KCNG2: variants seen among roughly 807,000 people sequenced by gnomAD.
The protein encoded by KCNG2 is potassium voltage-gated channel modifier subfamily G member 2.
Under a neutral mutation model 12.3 loss-of-function variants are expected in KCNG2, and 7 were observed. That is an observed-to-expected ratio of 0.57 (90% CI 0.32 to 1.07). The LOEUF (loss-of-function observed/expected upper bound fraction) is 1.07. KCNG2 is among the 50% of genes least tolerant of loss of function. The pLI is 0.04. For missense variants in KCNG2, 703 were observed against 726.0 expected (o/e 0.97, Z 0.36); for synonymous variants, 414 against 351.4 (o/e 1.18, Z -1.99).
intron 1 of KCNG2, among the ~76,000 whole-genome samples, chr18:79,819,061 A>G (rs191621774): frequency 2.0e-5 from 3 of 152,336 alleles, no homozygotes; most frequent in Non-Finnish European, 4.4e-5. Context: ...CAGGAGATGA[A>G]AAAAACAAAA....
intron 1 of KCNG2, among the ~76,000 whole-genome samples, chr18:79,830,415 A>G (rs1025929494): frequency 6.6e-6 from 1 of 152,248 alleles, no homozygotes; most frequent in Non-Finnish European, 1.5e-5. Context: ...CTGGGACATC[A>G]TCTTTTCCAA....
intron 1 of KCNG2, chr18:79,816,143 C>T (rs1381271685): frequency 6.6e-6 from 1 of 152,198 alleles, no homozygotes; most frequent in Non-Finnish European, 1.5e-5. Context: ...CAAAACATAC[C>T]GTGCCCTGAC....
At chr18:79,881,325 C>T (rs746042667) in intron 3 of KCNG2, among the ~76,000 whole-genome samples, 7 of 150,068 alleles carry the variant, frequency 4.7e-5, no homozygotes, top group Non-Finnish European at 7.4e-5. Context: ...ACACGCCGTA[C>T]GATTGGAAAG....
intron 1 of KCNG2, among the ~76,000 whole-genome samples, chr18:79,837,626 T>A (rs1223165870): frequency 2.0e-5 from 3 of 152,242 alleles, no homozygotes; most frequent in Non-Finnish European, 1.5e-5. Context: ...AGAATGACCC[T>A]ACTGCAGTTC....
rs780985473 is a variant in KCNG2 at position 79,899,542 on chromosome 18, T to C, written c.1127T>C (p.Val376Ala). 59 of 1,604,846 alleles carry C rather than the reference T, an allele frequency of 3.7e-5. 1 individual carries two copies. The highest frequency in any genetic ancestry group is 4.8e-5 in the Non-Finnish European group (56 of 1,176,456). Residue 376 changes from valine to alanine, a missense_variant, in exon 4 of 4, where the codon GTC (valine) becomes GCC (alanine). Val to Ala is a moderately conservative substitution (Grantham distance 64, BLOSUM62 0). Coordinates refer to ENST00000316249, the MANE Select transcript of KCNG2 (RefSeq NM_012283.2). ...SMTTVGYGDM[V>A]PRSLPGQVVA... is the part of the protein sequence containing the mutation. ...ACCACCGTGGGCTACGGCGACATGG[T>C]CCCGCGCAGCCTGCCCGGGCAGGTG...
At chr18:79,834,108 C>G (rs565063692) in intron 1 of KCNG2, among the ~76,000 whole-genome samples, 4 of 152,252 alleles carry the variant, frequency 2.6e-5, no homozygotes, top group Non-Finnish European at 1.5e-5. Flanking sequence ...CACGTTAAAG[C>G]GTGTCGAGGT....
chr18:79,869,955 G>A (rs1979765238), intron 3 of KCNG2, among the ~76,000 whole-genome samples: 1 of 152,260 alleles, frequency 6.6e-6, no homozygotes, highest in Non-Finnish European at 1.5e-5. Context: ...ACACGGGTCT[G>A]AGGTCAGAGC....
chr18:79,891,554 C>G (rs1455010535), intron 3 of KCNG2, among the ~76,000 whole-genome samples: 1 of 152,196 alleles, frequency 6.6e-6, no homozygotes, highest in African/African-American at 2.4e-5. Context: ...TTAGCTGCAC[C>G]ATATAAGTTT....
intron 3 of KCNG2, among the ~76,000 whole-genome samples, chr18:79,885,488 G>A (rs1234728775): frequency 6.6e-6 from 1 of 152,192 alleles, no homozygotes; most frequent in Non-Finnish European, 1.5e-5. Flanking sequence ...CTGGCTCTGT[G>A]GCTGCAGCTG....
At chr18:79,806,779 A>G (rs2087452955) in intron 1 of KCNG2, among the ~76,000 whole-genome samples, 2 of 152,194 alleles carry the variant, frequency 1.3e-5, no homozygotes, top group Non-Finnish European at 2.9e-5. Flanking sequence ...TTCTCAAATA[A>G]AACCAGAACT....
At chr18:79,813,453 G>A (rs890991346) in intron 1 of KCNG2, among the ~76,000 whole-genome samples, 1 of 152,168 alleles carries the variant, frequency 6.6e-6, no homozygotes, top group African/African-American at 2.4e-5. Flanking sequence ...ACTAGAATTA[G>A]ATCCTCAATT....
intron 3 of KCNG2, among the ~76,000 whole-genome samples, chr18:79,870,066 G>A (rs2123087226): frequency 6.6e-6 from 1 of 152,314 alleles, no homozygotes; most frequent in South Asian, 2.1e-4. Flanking sequence ...CACCGCTCGT[G>A]CTCCCCATTG....
chr18:79,813,553 G>A (rs1278793241), intron 1 of KCNG2, among the ~76,000 whole-genome samples: 3 of 152,210 alleles, frequency 2.0e-5, no homozygotes, highest in African/African-American at 7.2e-5. Context: ...GGGGTAGCGT[G>A]GAGGGAGGAT....
At chr18:79,829,204 G>T (rs1316056700) in intron 1 of KCNG2, among the ~76,000 whole-genome samples, 2 of 151,010 alleles carry the variant, frequency 1.3e-5, no homozygotes, top group Admixed American at 1.3e-4. Flanking sequence ...GTGTGTGGGT[G>T]TCTATGTGTG....
intron 3 of KCNG2, among the ~76,000 whole-genome samples, chr18:79,888,668 T>C (rs566834155): frequency 1.8e-4 from 28 of 152,316 alleles, no homozygotes; most frequent in African/African-American, 6.5e-4. Flanking sequence ...GAGCTCTTCT[T>C]TGAGGAATGC....
chr18:79,856,402 T>C lies in KCNG2; in HGVS notation c.-91T>C, dbSNP rs914678906. ...AGGTCGAAGCCGCTGGTCTCAGCTG[T>C]GTTTTCACCGGTTCCCTGAAAGAGA... On this transcript the variant is annotated 5_prime_UTR_variant, in exon 2 of 4. Transcript: ENST00000316249. Among the ~76,000 whole-genome samples the C allele has an allele frequency of 1.3e-5, 2 of 152,238 alleles. No individual in the cohort carries two copies. The highest frequency in any genetic ancestry group is 2.4e-5 in the African/African-American group (1 of 41,460).
chr18:79,834,724 T>C (rs1267340416), intron 1 of KCNG2, among the ~76,000 whole-genome samples: 2 of 152,226 alleles, frequency 1.3e-5, no homozygotes, highest in Non-Finnish European at 2.9e-5. Context: ...ATGCAAGCCC[T>C]GCCTCAGCTT....
At position 79,899,711 on chromosome 18, in the gene KCNG2, C is replaced by G; in HGVS notation, c.1296C>G (p.Asp432Glu). ...AASPEPALQE[D>E]STHSATATED... ...GCCCCGAGCCGGCCCTGCAGGAGGA[C>G]AGCACGCACTCGGCCACAGCCACCG... is the stretch of plus-strand genomic sequence containing the variant. Residue 432 changes from aspartate to glutamate, a missense_variant, in exon 4 of 4, where the codon GAC becomes GAG. Transcript: ENST00000316249. 1.2e-6 allele frequency: 2 copies of G among 1,605,550 alleles called. No homozygotes were observed. Among genetic ancestry groups the G allele is most frequent in the Non-Finnish European group, 1.7e-6 (2 of 1,177,732 alleles).
In KCNG2 at chr18:79,821,998, T is replaced by C. The variant is rs567323380; in HGVS notation, c.-115+23984T>C. On this transcript the variant is annotated intron_variant, in intron 1 of 3. Transcript: ENST00000316249. ...TTTGTAGGCCATTCTAGAAGTGGGC[T>C]GAGTGAATGTGCCAGATGGGTTTGT... is the stretch of plus-strand genomic sequence containing the variant. Among the ~76,000 whole-genome samples, 16 of 152,326 alleles carry C rather than the reference T, an allele frequency of 1.1e-4. No individual in the cohort carries two copies. In the East Asian group the frequency reaches 3.1e-3, roughly 29 times the overall value.
Sources: allele counts gnomAD v4.1 joint callset (sites outside exome capture counted in the v4.1 genomes callset), GRCh38; gene constraint gnomAD v4.1.1; transcripts MANE v1.5; gene names NCBI Gene and HGNC (gene_info 2026-07-23, HGNC 2026-07-21).